HHIPL2: variants seen among roughly 807,000 people sequenced by gnomAD.
The protein encoded by HHIPL2 is HHIP like 2, also known as HHIP-like protein 2.
Under a neutral mutation model 61.0 loss-of-function variants are expected in HHIPL2, and 61 were observed. That is an observed-to-expected ratio of 1.00 (90% confidence interval 0.81 to 1.24). HHIPL2 has a LOEUF of 1.24. Ranked by LOEUF, HHIPL2 falls within the 50% of genes most tolerant of loss-of-function variation. The pLI, the probability that HHIPL2 is intolerant of heterozygous loss-of-function variation, is 0.00. For synonymous variants in HHIPL2, 343 were observed against 357.4 expected (o/e 0.96, Z 0.45); for missense variants, 885 against 910.2 (o/e 0.97, Z 0.36).
chr1:222,540,437 C>T, intron 3 of HHIPL2, 96 bp from the exon 4 acceptor site: 1 of 909,630 alleles, frequency 1.1e-6, no homozygotes, highest in Non-Finnish European at 1.7e-6. Context: ...TAGCTGATGC[C>T]AAGAGACTGC....
At position 222,547,962 on chromosome 1, in the gene HHIPL2, C is replaced by T. The variant is rs547430522; in HGVS notation, c.83G>A (p.Cys28Tyr). The T allele has an allele frequency of 6.2e-7, 1 of 1,612,086 alleles. No individual in the cohort carries two copies. The highest frequency in any genetic ancestry group is 8.5e-7 in the Non-Finnish European group (1 of 1,178,630). Residue 28 changes from cysteine (C) to tyrosine (Y), a missense_variant, in exon 1 of 9, where the codon TGC becomes TAC. Transcript: ENST00000343410. ...CACCTGGCCCAACAAGAATATGAGG[C>T]AGAGGCAGAGAATGCCAGAAGAGAG... ...PWLSSGILCL[C>Y]LIFLLGQVGL...
At chr1:222,545,354 C>T (rs1192752897) in intron 1 of HHIPL2, among the ~76,000 whole-genome samples, 2 of 152,182 alleles carry the variant, frequency 1.3e-5, no homozygotes, top group Non-Finnish European at 2.9e-5. Flanking sequence ...TCCCTGTTCT[C>T]TCTTATTTCC....
At chr1:222,546,756 C>A (rs1659563541) in intron 1 of HHIPL2, among the ~76,000 whole-genome samples, 1 of 152,220 alleles carries the variant, frequency 6.6e-6, no homozygotes, top group Non-Finnish European at 1.5e-5. Context: ...AGCTGTAATT[C>A]TCTCCTGGAC....
chr1:222,526,881 C>T (rs576409222), intron 7 of HHIPL2, 88 bp downstream of exon 7: 30 of 1,035,802 alleles, frequency 2.9e-5, no homozygotes, highest in Middle Eastern at 2.1e-4. Flanking sequence ...GAGTTTGCTT[C>T]GGGACAATGA....
intron 3 of HHIPL2, among the ~76,000 whole-genome samples, chr1:222,541,756 A>AAT (rs1659437507): frequency 6.6e-6 from 1 of 152,138 alleles, no homozygotes; most frequent in South Asian, 2.1e-4. Flanking sequence ...ATGACCTGCT[A>AAT]ATATATATAT....
Position 222,547,752 on chromosome 1 carries a change from C to G in HHIPL2, c.293G>C (p.Gly98Ala). ...GCAAAGGATGTCTTTAATGTAATCT[C>G]CACACAGCTCATGTCTCTTCAGATC... ...YFDLKRHELC[G>A]DYIKDILCQE... Residue 98 changes from glycine (G) to alanine (A), a missense_variant, in exon 1 of 9, where the codon GGA (glycine) becomes GCA (alanine). Coordinates refer to ENST00000343410, the MANE Select transcript of HHIPL2 (RefSeq NM_024746.4). The G allele has an allele frequency of 6.2e-7, 1 of 1,614,098 alleles. No individual in the cohort carries two copies. The highest frequency in any genetic ancestry group is 8.5e-7 in the Non-Finnish European group (1 of 1,179,944).
intron 7 of HHIPL2, among the ~76,000 whole-genome samples, chr1:222,524,485 C>T (rs1659020199): frequency 6.6e-6 from 1 of 152,238 alleles, no homozygotes; most frequent in Admixed American, 6.5e-5. Context: ...AATATTAACT[C>T]ATTGAGTCTT....
chr1:222,524,862 G>C (rs994764652), intron 7 of HHIPL2: 5 of 152,184 alleles, frequency 3.3e-5, no homozygotes, highest in Non-Finnish European at 5.9e-5. Flanking sequence ...GGAGGGAGTA[G>C]TCCTAAAATG....
rs182689728 is a variant in HHIPL2 at position 222,539,454 on chromosome 1, C to T, written c.1450+556G>A. On this transcript the variant is annotated intron_variant, in intron 4 of 8. Transcript: ENST00000343410. ...CTGAGACAGGAGAATCACTTGAACC[C>T]GGGAGTCGGAGGTTGCAGTGAGCTG... is the stretch of plus-strand genomic sequence containing the variant. Among the ~76,000 whole-genome samples the T allele has an allele frequency of 1.0e-4, 15 of 146,548 alleles. No homozygotes were observed. In the East Asian group the frequency reaches 2.9e-3, roughly 28 times the overall value.
intron 5 of HHIPL2, among the ~76,000 whole-genome samples, chr1:222,538,195 G>GT (rs1553270679): frequency 7.3e-6 from 1 of 136,274 alleles, no homozygotes; most frequent in Non-Finnish European, 1.6e-5. Flanking sequence ...CTCTGGCTGG[G>GT]GTGTGTGTGT....
Position 222,543,847 on chromosome 1 carries a change from T to C in HHIPL2, c.664A>G (p.Met222Val), listed in dbSNP as rs755977875. 1.1e-5 allele frequency: 17 copies of C among 1,614,020 alleles called. No homozygotes were observed. In the East Asian group the frequency reaches 3.3e-4, roughly 32 times the overall value. Reference protein sequence around the residue: ...VANGLRNPVSMVHAGDGTHRF... With the variant: ...VANGLRNPVSVVHAGDGTHRF... ...TGGGTGCCGTCCCCAGCATGGACCA[T>C]GGAGACGGGGTTCCTCAGCCCGTTG... Residue 222 changes from methionine to valine, a missense_variant, in exon 2 of 9, where the codon ATG becomes GTG. Physicochemically the swap from Met to Val is conservative, Grantham distance 21. Transcript: ENST00000343410.
intron 6 of HHIPL2, among the ~76,000 whole-genome samples, chr1:222,529,512 T>A (rs1659145272): frequency 6.6e-6 from 1 of 152,204 alleles, no homozygotes; most frequent in Admixed American, 6.5e-5. Context: ...TTACATGTCT[T>A]CCACATTCCA....
chr1:222,540,848 C>A (rs749851968), intron 3 of HHIPL2, among the ~76,000 whole-genome samples: 1 of 152,240 alleles, frequency 6.6e-6, no homozygotes, highest in Non-Finnish European at 1.5e-5. Context: ...AACTGATGGC[C>A]TTGTGCCACT....
rs552004207 is a variant in HHIPL2, at chr1:222,541,634, G to A, written c.1118+378C>T. Among the ~76,000 whole-genome samples, 5 of 152,208 alleles carry A rather than the reference G, an allele frequency of 3.3e-5. No individual in the cohort carries two copies. In the South Asian group the frequency reaches 1.0e-3, roughly 32 times the overall value. On this transcript the variant is annotated intron_variant, in intron 3 of 8. Coordinates refer to ENST00000343410, the MANE Select transcript of HHIPL2 (RefSeq NM_024746.4). ...AGCTGCAAGCACCCAATACACATTGGCTCTCAGTAGTTAACTTCTCATGTG... is the reference window on the plus strand; with the variant it reads ...AGCTGCAAGCACCCAATACACATTGACTCTCAGTAGTTAACTTCTCATGTG...
intron 5 of HHIPL2, among the ~76,000 whole-genome samples, chr1:222,534,673 C>CTT (rs1659265120): frequency 1.8e-5 from 2 of 112,488 alleles, no homozygotes; most frequent in African/African-American, 9.3e-5. Flanking sequence ...TGAGATTACA[C>CTT]ACACACACAC....
chr1:222,543,868 C>A lies in HHIPL2; in HGVS notation c.643G>T (p.Gly215Trp). 1 of 1,614,146 alleles carries A rather than the reference C, an allele frequency of 6.2e-7. No homozygotes were observed. Among genetic ancestry groups the A allele is most frequent in the Non-Finnish European group, 8.5e-7 (1 of 1,180,018 alleles). ...LQLCLSEVAN[G>W]LRNPVSMVHA... The stretch of plus-strand genomic sequence containing the variant: ...ACCATGGAGACGGGGTTCCTCAGCC[C>A]GTTGGCCACCTCGCTCAGGCAGAGC... Residue 215 changes from glycine (G) to tryptophan (W), a missense_variant, in exon 2 of 9, where the codon GGG becomes TGG. Transcript: ENST00000343410.
intron 6 of HHIPL2, 144 bp downstream of exon 6, chr1:222,531,821 AG>A (rs2102613563): frequency 1.8e-6 from 1 of 569,378 alleles, no homozygotes; most frequent in South Asian, 5.1e-5. Flanking sequence ...TGCTTAGAAT[AG>A]TATCCAGTAC....
In HHIPL2 at chr1:222,525,666, G is replaced by T. The variant is rs1571762994; in HGVS notation, c.1805+1303C>A. ...GTCTATCTGTAAGCTAATTCAGGGG[G>T]AGATTTTCTTGCTTTGGCAATAATT... On this transcript the variant is annotated intron_variant, in intron 7 of 8. Coordinates refer to ENST00000343410, the MANE Select transcript of HHIPL2 (RefSeq NM_024746.4). Among the ~76,000 whole-genome samples, 3 of 152,214 alleles carry T rather than the reference G, an allele frequency of 2.0e-5. No individual in the cohort carries two copies. The East Asian group carries it at 5.8e-4, about 29-fold the overall frequency.
At chr1:222,537,334 T>A (rs1473582883) in intron 5 of HHIPL2, among the ~76,000 whole-genome samples, 1 of 150,864 alleles carries the variant, frequency 6.6e-6, no homozygotes, top group East Asian at 2.0e-4. Context: ...GATGTTACTG[T>A]GTAACATCAC....
Sources: gnomAD v4.1 joint callset for allele counts (sites outside exome capture counted in the v4.1 genomes callset) on GRCh38, gnomAD v4.1.1 for gene constraint, MANE v1.5 for transcripts, NCBI Gene and HGNC (gene_info 2026-07-23, HGNC 2026-07-21) for gene names.